Variants in PDE3A observed in about 807,000 individuals in gnomAD.
PDE3A encodes the protein cGMP-inhibited 3',5'-cyclic phosphodiesterase 3A.
Under a neutral mutation model 98.3 loss-of-function variants are expected in PDE3A, and 43 were observed. The ratio of observed to expected loss-of-function variants is 0.44; its 90% CI spans 0.34 to 0.56. The LOEUF is 0.56. Among genes scored for constraint, PDE3A ranks in the 20% least tolerant of loss-of-function variants. The probability of loss-of-function intolerance (pLI) is 0.01; values close to 1 mark genes in which losing one functional copy is unlikely to be tolerated. For synonymous variants in PDE3A, 663 were observed against 567.9 expected (o/e 1.17, Z -2.38); for missense variants, 1,427 against 1,440.7 (o/e 0.99, Z 0.15).
At chr12:20,648,263 C>T (rs1944822887) in intron 12 of PDE3A, among the ~76,000 whole-genome samples, 1 of 150,418 alleles carries the variant, frequency 6.6e-6, no homozygotes, top group Admixed American at 6.6e-5. Flanking sequence ...GGTATTGTGG[C>T]ATTGGTATAA....
intron 11 of PDE3A, 54 bp downstream of exon 11, chr12:20,646,657 T>A (rs1944784140): frequency 3.5e-6 from 5 of 1,415,658 alleles, no homozygotes; most frequent in Middle Eastern, 1.8e-4. Context: ...CAAGGGTGTT[T>A]TTGTTTTTGT....
chr12:20,650,882 G>GT (rs999505211), intron 14 of PDE3A, among the ~76,000 whole-genome samples: 6 of 151,994 alleles, frequency 3.9e-5, no homozygotes, highest in Non-Finnish European at 7.4e-5. Context: ...TTGAAATACT[G>GT]TTTTTTTATA....
chr12:20,555,689 A>C (rs139461724), intron 1 of PDE3A, among the ~76,000 whole-genome samples: 1 of 152,332 alleles, frequency 6.6e-6, no homozygotes, highest in African/African-American at 2.4e-5. Flanking sequence ...AGAATTGAGC[A>C]CTCAATAGTT....
chr12:20,497,409 G>C (rs949269538), intron 1 of PDE3A, among the ~76,000 whole-genome samples: 1 of 151,332 alleles, frequency 6.6e-6, no homozygotes, highest in Non-Finnish European at 1.5e-5. Context: ...ACTGAATGGA[G>C]GGCTGTATTC....
chr12:20,370,399 T>TTG (rs111407502), intron 1 of PDE3A, 155 bp downstream of exon 1: 31 of 453,348 alleles, frequency 6.8e-5, no homozygotes, highest in African/African-American at 5.1e-4. Flanking sequence ...GTTTTTTTTT[T>TTG]GTTTTTTTTG....
intron 2 of PDE3A, among the ~76,000 whole-genome samples, chr12:20,575,448 A>G (rs901359260): frequency 6.6e-6 from 1 of 152,150 alleles, no homozygotes; most frequent in Admixed American, 6.6e-5. Flanking sequence ...CAATTACAGA[A>G]AAATAAATTT....
At chr12:20,607,466 A>C (rs1943738996) in intron 2 of PDE3A, among the ~76,000 whole-genome samples, 1 of 151,878 alleles carries the variant, frequency 6.6e-6, no homozygotes, top group Non-Finnish European at 1.5e-5. Context: ...AAAGAAAAAA[A>C]AACACATTGG....
At chr12:20,568,130 T>C (rs1040465708) in intron 2 of PDE3A, among the ~76,000 whole-genome samples, 2 of 152,002 alleles carry the variant, frequency 1.3e-5, no homozygotes, top group African/African-American at 4.8e-5. Flanking sequence ...AGATATTGCA[T>C]TAGAATTCAT....
chr12:20,380,463 T>G (rs938205548), intron 1 of PDE3A, among the ~76,000 whole-genome samples: 10 of 151,830 alleles, frequency 6.6e-5, no homozygotes, highest in African/African-American at 2.2e-4. Context: ...TAATAGAACT[T>G]GACTTGTGAA....
chr12:20,569,585 T>A (rs1261621899), intron 2 of PDE3A, among the ~76,000 whole-genome samples: 1 of 152,110 alleles, frequency 6.6e-6, no homozygotes, highest in African/African-American at 2.4e-5. Context: ...CCCCTCATAA[T>A]GCACATTTAC....
At chr12:20,440,311 C>T (rs1944848584) in intron 1 of PDE3A, among the ~76,000 whole-genome samples, 1 of 152,102 alleles carries the variant, frequency 6.6e-6, no homozygotes, top group African/African-American at 2.4e-5. Flanking sequence ...GGTGGCATGG[C>T]TGTGTGATCC....
At chr12:20,425,589 C>A (rs916900798) in intron 1 of PDE3A, among the ~76,000 whole-genome samples, 1 of 152,110 alleles carries the variant, frequency 6.6e-6, no homozygotes, top group African/African-American at 2.4e-5. Flanking sequence ...TTTTCTAATC[C>A]TTTCAACAGC....
intron 1 of PDE3A, among the ~76,000 whole-genome samples, chr12:20,554,359 TA>T (rs1370732662): frequency 7.0e-4 from 6 of 8,582 alleles, no homozygotes; most frequent in African/African-American, 6.4e-4. Flanking sequence ...TTTTCACAGA[TA>T]AAAAAAAAAA....
chr12:20,646,955 A>G lies in PDE3A; in HGVS notation c.2565+5A>G, dbSNP rs1944789405. The G allele has an allele frequency of 1.9e-6, 3 of 1,603,622 alleles. No individual in the cohort carries two copies. The highest frequency in any genetic ancestry group is 2.7e-5 in the African/African-American group (2 of 74,680). ...GTTGCAACTAGTGCTCCTCAGGTAA[A>G]TCTTTAGATTTTGGTTAGGAGAACT... is the stretch of plus-strand genomic sequence containing the variant. On this transcript the variant is annotated splice_donor_5th_base_variant and intron_variant, in intron 12 of 15. Transcript: ENST00000359062.
At position 20,540,422 on chromosome 12, in the gene PDE3A, G is replaced by A. The variant is rs574424127; in HGVS notation, c.961-16238G>A. Among the ~76,000 whole-genome samples the A allele has an allele frequency of 2.0e-5, 3 of 152,134 alleles. No homozygotes were observed. The East Asian group carries it at 5.8e-4, about 29-fold the overall frequency. On this transcript the variant is annotated intron_variant, in intron 1 of 15. Transcript: ENST00000359062. ...GCCCTTGAAGTTGTTATTATACTTT[G>A]CATATAATTTATTGATTCTGAAAAG...
At chr12:20,673,649 A>G (rs1042898677) in intron 15 of PDE3A, among the ~76,000 whole-genome samples, 2 of 147,496 alleles carry the variant, frequency 1.4e-5, no homozygotes, top group Admixed American at 6.8e-5. Context: ...GAATTGAACA[A>G]TGAGAACACA....
chr12:20,396,684 T>C (rs2120637682), intron 1 of PDE3A, among the ~76,000 whole-genome samples: 1 of 152,142 alleles, frequency 6.6e-6, no homozygotes, highest in Admixed American at 6.6e-5. Context: ...AAAGGTAAAT[T>C]TCTATAAATT....
intron 1 of PDE3A, among the ~76,000 whole-genome samples, chr12:20,549,836 C>A (rs1942152133): frequency 6.6e-6 from 1 of 152,060 alleles, no homozygotes; most frequent in South Asian, 2.1e-4. Flanking sequence ...ATACATAACA[C>A]ACTTGGCAAA....
intron 1 of PDE3A, among the ~76,000 whole-genome samples, chr12:20,524,371 A>C (rs1350449947): frequency 6.6e-6 from 1 of 152,140 alleles, no homozygotes; most frequent in Admixed American, 6.5e-5. Flanking sequence ...TACTTGCCAA[A>C]GCTTTTTTTC....
Sources: allele counts gnomAD v4.1 joint callset (sites outside exome capture counted in the v4.1 genomes callset), GRCh38; gene constraint gnomAD v4.1.1; transcripts MANE v1.5; gene names NCBI Gene and HGNC (gene_info 2026-07-23, HGNC 2026-07-21).